Variants in CDC42BPA observed in about 807,000 individuals in gnomAD.
CDC42BPA encodes the protein serine/threonine-protein kinase MRCK alpha.
Under a neutral mutation model 223.5 loss-of-function variants are expected in CDC42BPA, and 80 were observed. The ratio of observed to expected loss-of-function variants is 0.36; its 90% confidence interval spans 0.30 to 0.43. The LOEUF (loss-of-function observed/expected upper bound fraction) is 0.43. Ranked by LOEUF, CDC42BPA falls within the 20% of genes least tolerant of loss-of-function variation. The pLI is 1.00. For synonymous variants in CDC42BPA, 694 were observed against 718.6 expected (o/e 0.97, Z 0.55); for missense variants, 1,743 against 2,099.9 (o/e 0.83, Z 3.32).
At chr1:227,210,581 C>T (rs1056587104) in intron 3 of CDC42BPA, among the ~76,000 whole-genome samples, 20 of 152,188 alleles carry the variant, frequency 1.3e-4, no homozygotes, top group African/African-American at 4.3e-4. Context: ...TTGAATTTTG[C>T]CACTTCCAGC....
intron 2 of CDC42BPA, among the ~76,000 whole-genome samples, chr1:227,230,805 CTTTT>C (rs1677718383): frequency 3.2e-5 from 3 of 93,490 alleles, no homozygotes; most frequent in South Asian, 7.6e-4. Flanking sequence ...ATTTCTATTT[CTTTT>C]TTCTTTCTTT....
intron 16 of CDC42BPA, among the ~76,000 whole-genome samples, chr1:227,083,933 CA>C (rs1681259811): frequency 6.6e-6 from 1 of 152,120 alleles, no homozygotes; most frequent in African/African-American, 2.4e-5. Flanking sequence ...TGTGGAATAC[CA>C]TGTTCAACTT....
intron 12 of CDC42BPA, among the ~76,000 whole-genome samples, chr1:227,117,332 CCT>C (rs1356436769): frequency 4.6e-5 from 7 of 151,834 alleles, no homozygotes; most frequent in East Asian, 1.9e-4. Context: ...TTTTTTTCCC[CCT>C]GAGATAGGGT....
chr1:227,239,116 C>T (rs1216234121), intron 2 of CDC42BPA, among the ~76,000 whole-genome samples: 2 of 152,116 alleles, frequency 1.3e-5, no homozygotes, highest in Admixed American at 1.3e-4. Flanking sequence ...AGCTATCAAG[C>T]CATTTAAAGA....
At chr1:227,225,971 G>A (rs1166194862) in intron 2 of CDC42BPA, among the ~76,000 whole-genome samples, 3 of 152,144 alleles carry the variant, frequency 2.0e-5, no homozygotes, top group Non-Finnish European at 2.9e-5. Context: ...TTCAAGTTAC[G>A]AGTATGTGGA....
intron 5 of CDC42BPA, among the ~76,000 whole-genome samples, chr1:227,167,039 A>C (rs142330063): frequency 5.9e-5 from 9 of 152,234 alleles, no homozygotes; most frequent in African/African-American, 2.2e-4. Flanking sequence ...AGGTAGATAA[A>C]CATCTACCTA....
chr1:227,168,498 T>TTTTTTTTTTTTGTTTTTTG (rs1553374269), intron 5 of CDC42BPA, among the ~76,000 whole-genome samples: 6 of 25,414 alleles, frequency 2.4e-4, no homozygotes, highest in African/African-American at 1.1e-3. Flanking sequence ...TTCCCTGGTG[T>TTTTTTTTTTTTGTTTTTTG]TTTTTTTTTT....
chr1:227,055,489 C>T (rs537138594), intron 21 of CDC42BPA, among the ~76,000 whole-genome samples: 1 of 151,990 alleles, frequency 6.6e-6, no homozygotes, highest in African/African-American at 2.4e-5. Flanking sequence ...TTAAAGACAG[C>T]CTATGATTCA....
chr1:227,210,172 C>A (rs1034068829), intron 3 of CDC42BPA, among the ~76,000 whole-genome samples: 1 of 152,140 alleles, frequency 6.6e-6, no homozygotes, highest in African/African-American at 2.4e-5. Context: ...AATAGTGCCG[C>A]AATAAACATA....
At chr1:227,088,150 T>C (rs1229868753) in intron 16 of CDC42BPA, among the ~76,000 whole-genome samples, 1 of 152,238 alleles carries the variant, frequency 6.6e-6, no homozygotes, top group South Asian at 2.1e-4. Flanking sequence ...TCCTACTTCT[T>C]ATTCTTGTGA....
chr1:227,180,114 G>A (rs778622734), intron 5 of CDC42BPA, among the ~76,000 whole-genome samples: 14 of 152,098 alleles, frequency 9.2e-5, no homozygotes, highest in African/African-American at 2.4e-4. Context: ...GCTGAGGCAC[G>A]AGACTCGCTT....
chr1:227,193,748 G>T lies in CDC42BPA; in HGVS notation c.599+38C>A, dbSNP rs750808247. 4 of 1,499,000 alleles carry T rather than the reference G, an allele frequency of 2.7e-6. No individual in the cohort carries two copies. The South Asian group carries it at 5.5e-5, about 21-fold the overall frequency. The allele number at this position is 1,499,000 out of a possible 1,614,324, so 92.9% of individuals were successfully genotyped here. A position where few individuals can be genotyped will look rare whatever the true frequency, so the allele number is the denominator to read the frequency against. ...AGGCCTCTGTTGCTAGATATTACAT[G>T]GTAACTCACAGCCAGGTACAATGAA... On this transcript the variant is annotated intron_variant, in intron 5 of 36. Coordinates refer to ENST00000366766, the MANE Select transcript of CDC42BPA (RefSeq NM_001394014.1).
chr1:227,112,294 T>C lies in CDC42BPA; in HGVS notation c.2001+18A>G, dbSNP rs146353343. On this transcript the variant is annotated intron_variant, in intron 14 of 36. Coordinates refer to ENST00000366766, the MANE Select transcript of CDC42BPA (RefSeq NM_001394014.1). ...AAGAAAATCAATTAAGCTTCATAAA[T>C]GTGAAGTCAAAAGATACCTTCAGTC... 5 of 1,400,214 alleles carry C rather than the reference T, an allele frequency of 3.6e-6. No individual in the cohort carries two copies. In the African/African-American group the frequency reaches 4.3e-5, roughly 12 times the overall value. The allele number at this position is 1,400,214 out of a possible 1,614,324, so 86.7% of individuals were successfully genotyped here. A position where few individuals can be genotyped will look rare whatever the true frequency, so the allele number is the denominator to read the frequency against.
chr1:227,267,769 T>TA (rs1685244247), intron 1 of CDC42BPA, among the ~76,000 whole-genome samples: 1 of 152,068 alleles, frequency 6.6e-6, no homozygotes, highest in East Asian at 1.9e-4. Flanking sequence ...AACCATCAAA[T>TA]CTTGTGAGAA....
intron 1 of CDC42BPA, among the ~76,000 whole-genome samples, chr1:227,258,232 T>C (rs1466281845): frequency 1.8e-4 from 26 of 146,390 alleles, no homozygotes; most frequent in Admixed American, 1.6e-3. Context: ...CCCCAAATAA[T>C]TGTAACACCA....
intron 1 of CDC42BPA, among the ~76,000 whole-genome samples, chr1:227,311,732 A>T: frequency 6.6e-6 from 1 of 152,164 alleles, no homozygotes; most frequent in Non-Finnish European, 1.5e-5. Context: ...TCATAAAAAA[A>T]AAAAATACCC....
intron 10 of CDC42BPA, among the ~76,000 whole-genome samples, chr1:227,137,678 C>CAA (rs34947627): frequency 1.7e-3 from 243 of 144,338 alleles, no homozygotes; most frequent in Middle Eastern, 3.6e-3. Context: ...AACAGCAGTA[C>CAA]AAAAAAAAAA....
chr1:227,017,020 G>C lies in CDC42BPA; in HGVS notation c.4646C>G (p.Ser1549Ter). ...EGDELVVPET[S>*]DNSRKQMVRN... Reference sequence around the variant, plus strand: ...AACCATTTGTTTCCGACTATTATCTGATGTTTCAGGTACTACCAGTTCGTC... The same window carrying C: ...AACCATTTGTTTCCGACTATTATCTCATGTTTCAGGTACTACCAGTTCGTC... Residue 1549 changes from serine (S) to a stop codon, truncating the protein, a stop_gained, in exon 33 of 37, where the codon TCA becomes TGA. Coordinates refer to ENST00000366766, the MANE Select transcript of CDC42BPA (RefSeq NM_001394014.1). LOFTEE classifies it high-confidence loss of function. 6.2e-7 allele frequency: 1 copy of C among 1,612,918 alleles called. No individual in the cohort carries two copies. Among genetic ancestry groups the C allele is most frequent in the Non-Finnish European group, 8.5e-7 (1 of 1,179,326 alleles).
At chr1:227,119,754 C>G (rs477162) in intron 12 of CDC42BPA, 50 bp downstream of exon 12, 14 of 1,247,434 alleles carry the variant, frequency 1.1e-5, no homozygotes, top group African/African-American at 3.0e-5. Flanking sequence ...TCTTATTATA[C>G]AAGATTCAAA....
Sources: allele counts gnomAD v4.1 joint callset (sites outside exome capture counted in the v4.1 genomes callset), GRCh38; gene constraint gnomAD v4.1.1; transcripts MANE v1.5; gene names NCBI Gene and HGNC (gene_info 2026-07-23, HGNC 2026-07-21).